Variants in FCHSD2 observed in about 807,000 individuals in gnomAD.
FCHSD2 encodes F-BAR and double SH3 domains protein 2.
FCHSD2 carries 38 observed loss-of-function variants against 108.1 expected under a neutral mutation model. The observed-to-expected ratio is 0.35, with a 90% confidence interval of 0.27 to 0.46. The LOEUF is 0.46. Ranked by LOEUF, FCHSD2 falls within the 20% of genes least tolerant of loss-of-function variation. The pLI is 1.00. For missense variants in FCHSD2, 751 were observed against 897.8 expected (o/e 0.84, Z 2.09); for synonymous variants, 279 against 314.7 (o/e 0.89, Z 1.20).
At chr11:72,967,125 G>C (rs1008117561) in intron 8 of FCHSD2, among the ~76,000 whole-genome samples, 2 of 151,752 alleles carry the variant, frequency 1.3e-5, no homozygotes, top group Non-Finnish European at 2.9e-5. Context: ...GCGTGAACCC[G>C]GGAGGCAGAG....
chr11:72,927,925 G>C (rs1405272022), intron 8 of FCHSD2, among the ~76,000 whole-genome samples: 1 of 152,180 alleles, frequency 6.6e-6, no homozygotes, highest in African/African-American at 2.4e-5. Flanking sequence ...AAATCAGTTG[G>C]ATGTGGGTTA....
intron 12 of FCHSD2, among the ~76,000 whole-genome samples, chr11:72,875,945 A>G (rs1254443970): frequency 6.6e-6 from 1 of 152,232 alleles, no homozygotes; most frequent in African/African-American, 2.4e-5. Context: ...AGACCCAGCC[A>G]TCACAGCTGA....
At chr11:73,003,174 G>C (rs1253266367) in intron 4 of FCHSD2, among the ~76,000 whole-genome samples, 1 of 152,168 alleles carries the variant, frequency 6.6e-6, no homozygotes, top group Non-Finnish European at 1.5e-5. Flanking sequence ...TCACCAGTCA[G>C]AAGACCTAAG....
intron 3 of FCHSD2, among the ~76,000 whole-genome samples, chr11:73,071,457 C>A (rs908632352): frequency 6.6e-6 from 1 of 150,992 alleles, no homozygotes; most frequent in East Asian, 1.9e-4. Flanking sequence ...CTTGAGAGGT[C>A]GAGGCGGGCA....
At chr11:72,896,787 A>AG (rs1425982359) in intron 10 of FCHSD2, among the ~76,000 whole-genome samples, 2 of 150,390 alleles carry the variant, frequency 1.3e-5, no homozygotes, top group Admixed American at 6.6e-5. Context: ...AAAAAAAAAA[A>AG]AAAGAAAGAA....
At chr11:73,055,487 A>C (rs1372575940) in intron 3 of FCHSD2, among the ~76,000 whole-genome samples, 1 of 152,242 alleles carries the variant, frequency 6.6e-6, no homozygotes, top group African/African-American at 2.4e-5. Flanking sequence ...AAAATCTGAT[A>C]AGAAATAAGA....
rs1269529297 is a variant in FCHSD2, at chr11:72,983,275, C to T, written c.705+813G>A. On this transcript the variant is annotated intron_variant, in intron 8 of 19. Coordinates refer to ENST00000409418, the MANE Select transcript of FCHSD2 (RefSeq NM_014824.3). ...CGCCACTGCACTCCAGCCTGGGCGA[C>T]AGAGCGAGACTCCGTCTCAAAAAAA... 1.4e-4 allele frequency among the ~76,000 whole-genome samples: 20 copies of T among 147,270 alleles called. 2 individuals are homozygous for T. In the East Asian group the frequency reaches 2.8e-3, roughly 20 times the overall value.
At chr11:73,076,425 G>A (rs1290729348) in intron 3 of FCHSD2, among the ~76,000 whole-genome samples, 10 of 152,160 alleles carry the variant, frequency 6.6e-5, no homozygotes, top group Admixed American at 2.0e-4. Flanking sequence ...TCTGCTAAGC[G>A]AAAGAAGACA....
chr11:73,035,050 T>C (rs1461295888), intron 3 of FCHSD2, among the ~76,000 whole-genome samples: 1 of 152,184 alleles, frequency 6.6e-6, no homozygotes, highest in Non-Finnish European at 1.5e-5. Context: ...GCAGCCACTA[T>C]TGGGAACAAC....
chr11:73,121,645 T>C (rs1333836425), intron 2 of FCHSD2, among the ~76,000 whole-genome samples: 1 of 151,540 alleles, frequency 6.6e-6, no homozygotes, highest in African/African-American at 2.4e-5. Context: ...GAATCAGTAA[T>C]TGTTAAGGGC....
chr11:73,058,808 T>A (rs1458750464), intron 3 of FCHSD2, among the ~76,000 whole-genome samples: 1 of 152,194 alleles, frequency 6.6e-6, no homozygotes, highest in East Asian at 1.9e-4. Context: ...CCTCAGGTGA[T>A]CCGCCTGCCT....
At chr11:72,949,249 A>C (rs1377489242) in intron 8 of FCHSD2, among the ~76,000 whole-genome samples, 1 of 152,016 alleles carries the variant, frequency 6.6e-6, no homozygotes, top group African/African-American at 2.4e-5. Flanking sequence ...CAGGAGTTCA[A>C]GGCCAGCCTG....
intron 8 of FCHSD2, among the ~76,000 whole-genome samples, chr11:72,960,485 T>C (rs1289893875): frequency 2.0e-5 from 3 of 152,228 alleles, no homozygotes; most frequent in Admixed American, 6.5e-5. Flanking sequence ...GGAGTCCATG[T>C]GCTGTCATTC....
intron 10 of FCHSD2, among the ~76,000 whole-genome samples, chr11:72,890,762 A>T (rs1855297415): frequency 6.6e-6 from 1 of 151,810 alleles, no homozygotes; most frequent in Non-Finnish European, 1.5e-5. Flanking sequence ...TTTTTCCTGG[A>T]TGTCCTAGAT....
rs1314579796 is a variant in FCHSD2, at chr11:73,071,533, T to TA, written c.165+12161dup. ...GGTGAAACCCTGTTTCTACTAAAAA[T>TA]ACAAAAAAAAAAAAAAAATTAGCTG... On this transcript the variant is annotated intron_variant, in intron 3 of 19. Transcript: ENST00000409418. Among the ~76,000 whole-genome samples the TA allele has an allele frequency of 7.0e-3, 836 of 118,726 alleles. 2 individuals are homozygous for TA. Among genetic ancestry groups the TA allele is most frequent in the Middle Eastern group, 0.018 (4 of 220 alleles). 77.9% of individuals were successfully genotyped at this position (118,726 alleles called of 152,430 possible).
At chr11:72,916,968 CT>C (rs71062793) in intron 9 of FCHSD2, among the ~76,000 whole-genome samples, 21 of 118,752 alleles carry the variant, frequency 1.8e-4, no homozygotes, top group African/African-American at 2.6e-4. Flanking sequence ...GAACTTCATT[CT>C]TTTTTTTTTT....
intron 4 of FCHSD2, 123 bp from the exon 5 acceptor site, chr11:73,001,257 G>A (rs1857620436): frequency 2.6e-6 from 2 of 777,330 alleles, no homozygotes; most frequent in Admixed American, 5.4e-5. Flanking sequence ...TATTTATAAT[G>A]GCTTATAGGC....
intron 9 of FCHSD2, 38 bp from the exon 10 acceptor site, chr11:72,902,676 G>C: frequency 1.6e-6 from 2 of 1,244,874 alleles, no homozygotes; most frequent in Non-Finnish European, 2.3e-6. Context: ...TCTTTAATGA[G>C]GTTAAAATGT....
chr11:73,026,014 A>T (rs1443327010), intron 3 of FCHSD2, among the ~76,000 whole-genome samples: 1 of 151,994 alleles, frequency 6.6e-6, no homozygotes, highest in Non-Finnish European at 1.5e-5. Flanking sequence ...GTATGTATGT[A>T]TGTATGTATG....
Sources: allele counts gnomAD v4.1 joint callset (sites outside exome capture counted in the v4.1 genomes callset), GRCh38; gene constraint gnomAD v4.1.1; transcripts MANE v1.5; gene names NCBI Gene and HGNC (gene_info 2026-07-23, HGNC 2026-07-21).